Variants in CAPZA1 observed in about 807,000 individuals in gnomAD.
The protein encoded by CAPZA1 is F-actin-capping protein subunit alpha-1.
In CAPZA1, 10 loss-of-function variants were observed where a neutral mutation model predicts 40.8. The observed-to-expected ratio is 0.25, with a 90% confidence interval of 0.15 to 0.42. The LOEUF (loss-of-function observed/expected upper bound fraction) is 0.42, where lower values mean the gene tolerates loss of function less well. CAPZA1 is among the 10% of genes least tolerant of loss of function. CAPZA1 has a pLI of 1.00. For missense variants in CAPZA1, 277 were observed against 353.8 expected, an observed-to-expected ratio of 0.78 and a Z score of 1.74; for synonymous variants, 98 against 115.0, an observed-to-expected ratio of 0.85 and a Z score of 0.95.
chr1:112,631,645 G>A lies in CAPZA1; in HGVS notation c.39+11762G>A, dbSNP rs142342225. Among the ~76,000 whole-genome samples the A allele has an allele frequency of 3.9e-5, 6 of 152,168 alleles. No individual in the cohort carries two copies. The East Asian group carries it at 9.7e-4, about 24-fold the overall frequency. ...CCATCTAGCCTGGGTTCTCACCGCC[G>A]AACTTTACCCTTTCAAACTTGACAT... On this transcript the variant is annotated intron_variant, in intron 1 of 9. Coordinates refer to ENST00000263168, the MANE Select transcript of CAPZA1 (RefSeq NM_006135.3).
chr1:112,668,891 CTT>C (rs764328913), intron 8 of CAPZA1, among the ~76,000 whole-genome samples: 2 of 152,154 alleles, frequency 1.3e-5, no homozygotes, highest in South Asian at 4.1e-4. Flanking sequence ...AGGCAAATAA[CTT>C]TGTGTTAGTA....
rs555597264 is a variant in CAPZA1 at position 112,667,144 on chromosome 1, C to T, written c.656C>T (p.Ser219Leu). 1,783 of 1,600,192 alleles carry T rather than the reference C, an allele frequency of 1.1e-3. 27 individuals carry two copies. In the South Asian group the frequency reaches 0.019, roughly 17 times the overall value. The change falls in exon 8 of 10, where the codon TCG (serine) becomes TTG (leucine). Residue 219 changes from serine (S) to leucine (L), a missense_variant and splice_region_variant. Physicochemically the swap from Ser to Leu is moderately radical, Grantham distance 145. Coordinates refer to ENST00000263168, the MANE Select transcript of CAPZA1 (RefSeq NM_006135.3). ...HKDVQDSLTVSNEAQTAKEFI... is the reference protein window; with the variant it reads ...HKDVQDSLTVLNEAQTAKEFI... ...GATGTACAGGATTCACTAACTGTTTCGGTGAGTATGGAATATTTAGTGTCT... is the reference window on the plus strand; with the variant it reads ...GATGTACAGGATTCACTAACTGTTTTGGTGAGTATGGAATATTTAGTGTCT...
intron 9 of CAPZA1, 46 bp from the exon 10 acceptor site, chr1:112,669,946 A>AG: frequency 6.2e-7 from 1 of 1,610,702 alleles, no homozygotes; most frequent in Non-Finnish European, 8.5e-7. Context: ...GTTCACAACC[A>AG]GCCCCATTTC....
At chr1:112,656,466 T>TTTTTTTTTTTTTTTTTTTTTTTTTC (rs1553180448) in intron 5 of CAPZA1, among the ~76,000 whole-genome samples, 1 of 94,336 alleles carries the variant, frequency 1.1e-5, no homozygotes. Flanking sequence ...TTTTTTTTTT[T>TTTTTTTTTTTTTTTTTTTTTTTTTC]AATGAGAATA....
At chr1:112,622,812 A>G (rs1386915915) in intron 1 of CAPZA1, among the ~76,000 whole-genome samples, 1 of 152,190 alleles carries the variant, frequency 6.6e-6, no homozygotes, top group Non-Finnish European at 1.5e-5. Flanking sequence ...ATTATTTAGT[A>G]GAGCAGTAGA....
rs11418884 is a variant in CAPZA1, at chr1:112,621,761, G to GTTTTTTTT, written c.39+1889_39+1896dup. Among the ~76,000 whole-genome samples, 71 of 122,874 alleles carry GTTTTTTTT rather than the reference G, an allele frequency of 5.8e-4. 2 individuals carry two copies. In the South Asian group the frequency reaches 0.018, roughly 30 times the overall value. 80.6% of individuals were successfully genotyped at this position (122,874 alleles called of 152,430 possible). ...AATAACATTAATGTCTTGGGTTATG[G>GTTTTTTTT]TTTTTTTTTTTTTTTTTTGAGATGG... is the stretch of plus-strand genomic sequence containing the variant. On this transcript the variant is annotated intron_variant, in intron 1 of 9. Coordinates refer to ENST00000263168, the MANE Select transcript of CAPZA1 (RefSeq NM_006135.3).
chr1:112,665,516 TATACCTTAGCAGAA>T (rs1271040796), intron 7 of CAPZA1, among the ~76,000 whole-genome samples: 2 of 152,260 alleles, frequency 1.3e-5, no homozygotes, highest in East Asian at 1.9e-4. Context: ...CTTAGACTGG[TATACCTTAGCAGAA>T]ATACCTTAGC....
At chr1:112,662,051 A>G (rs542836023) in intron 7 of CAPZA1, among the ~76,000 whole-genome samples, 2 of 152,324 alleles carry the variant, frequency 1.3e-5, no homozygotes, top group Non-Finnish European at 2.9e-5. Context: ...AGTTAATTGA[A>G]CCATTTTCAT....
chr1:112,639,870 G>T (rs1671101700), intron 1 of CAPZA1, among the ~76,000 whole-genome samples: 3 of 138,944 alleles, frequency 2.2e-5, no homozygotes, highest in Admixed American at 7.5e-5. Context: ...GAGGTGGGGG[G>T]GTCAGCCCCC....
chr1:112,647,245 C>G lies in CAPZA1; in HGVS notation c.75C>G (p.Pro25=), dbSNP rs754480790. 9.2e-6 allele frequency: 14 copies of G among 1,521,834 alleles called. No homozygotes were observed. The Admixed American group carries it at 2.4e-4, about 26-fold the overall frequency. The allele number at this position is 1,521,834 out of a possible 1,614,324, so 94.3% of individuals were successfully genotyped here. ...RIAAKFITHA[P]PGEFNEVFND... is the part of the protein sequence containing the mutation. ...CTGCTAAATTCATCACTCATGCACC[C>G]CCAGGGGAATTTAATGAAGTATTCA... The change falls in exon 2 of 10, where the codon CCC becomes CCG. Residue 25 remains proline (P), a synonymous_variant. Coordinates refer to ENST00000263168, the MANE Select transcript of CAPZA1 (RefSeq NM_006135.3).
intron 8 of CAPZA1, among the ~76,000 whole-genome samples, chr1:112,667,751 C>CA (rs1240959013): frequency 6.6e-6 from 1 of 151,898 alleles, no homozygotes; most frequent in Non-Finnish European, 1.5e-5. Flanking sequence ...AGGCTGGTCT[C>CA]AAACTCCTAG....
chr1:112,669,655 G>A (rs762603348), intron 9 of CAPZA1, 50 bp downstream of exon 9: 55 of 1,306,292 alleles, frequency 4.2e-5, no homozygotes, highest in Admixed American at 1.1e-4. Context: ...TTATTATTTC[G>A]CTGTTAGCAT....
At chr1:112,644,107 A>G (rs2101158800) in intron 1 of CAPZA1, among the ~76,000 whole-genome samples, 1 of 148,538 alleles carries the variant, frequency 6.7e-6, no homozygotes, top group South Asian at 2.1e-4. Flanking sequence ...AGCCTCCCAA[A>G]GTGCTGGGAT....
intron 1 of CAPZA1, chr1:112,620,141 A>T (rs1280438869): frequency 7.6e-6 from 3 of 396,284 alleles, no homozygotes; most frequent in East Asian, 4.0e-5. Context: ...AAGGGAACAG[A>T]CGTTTCCTTT....
chr1:112,629,560 C>T (rs1173608587), intron 1 of CAPZA1, among the ~76,000 whole-genome samples: 1 of 152,142 alleles, frequency 6.6e-6, no homozygotes, highest in African/African-American at 2.4e-5. Context: ...GTCTTGATTT[C>T]ATTGTTAACT....
rs373564298 is a variant in CAPZA1 at position 112,643,937 on chromosome 1, T to C, written c.40-3273T>C. Among the ~76,000 whole-genome samples, 246 of 150,306 alleles carry C rather than the reference T, an allele frequency of 1.6e-3. 4 individuals are homozygous for C. Among genetic ancestry groups the C allele is most frequent in the African/African-American group, 5.9e-3 (233 of 39,734 alleles). ...TCGGCTCACTGCAAACTCTGCCTCC[T>C]GGGTTCAAGAGATTCTCCTGCCTCA... On this transcript the variant is annotated intron_variant, in intron 1 of 9. Coordinates refer to ENST00000263168, the MANE Select transcript of CAPZA1 (RefSeq NM_006135.3).
chr1:112,667,923 T>C (rs1056441210), intron 8 of CAPZA1, among the ~76,000 whole-genome samples: 2 of 152,156 alleles, frequency 1.3e-5, no homozygotes, highest in African/African-American at 4.8e-5. Context: ...TTAGAAGTTA[T>C]TGAGTACCCC....
chr1:112,669,850 G>C (rs1671796303), intron 9 of CAPZA1, 142 bp from the exon 10 acceptor site: 5 of 917,048 alleles, frequency 5.5e-6, no homozygotes, highest in Admixed American at 2.5e-5. Flanking sequence ...TTCAGAGATT[G>C]GAGAGGAGCT....
intron 7 of CAPZA1, among the ~76,000 whole-genome samples, chr1:112,666,164 A>G (rs1277179683): frequency 6.6e-6 from 1 of 152,172 alleles, no homozygotes; most frequent in Non-Finnish European, 1.5e-5. Context: ...TTTCCACTTC[A>G]TAGCAATGTC....
Sources: allele counts gnomAD v4.1 joint callset (sites outside exome capture counted in the v4.1 genomes callset), GRCh38; gene constraint gnomAD v4.1.1; transcripts MANE v1.5; gene names NCBI Gene and HGNC (gene_info 2026-07-23, HGNC 2026-07-21).